Variants in MAGI2 observed in about 807,000 individuals in gnomAD.
The protein encoded by MAGI2 is membrane-associated guanylate kinase, WW and PDZ domain-containing protein 2.
A neutral mutation model predicts 133.3 loss-of-function variants in MAGI2; 35 were observed. The ratio of observed to expected loss-of-function variants is 0.26; its 90% CI spans 0.20 to 0.35. MAGI2 has a LOEUF of 0.35. MAGI2 is among the 10% of genes least tolerant of loss of function. The pLI is 1.00. For synonymous variants in MAGI2, 729 were observed against 710.6 expected (o/e 1.03, Z -0.41); for missense variants, 1,636 against 1,863.4 (o/e 0.88, Z 2.25).
chr7:78,243,224 T>TACACACAC (rs539437959), intron 10 of MAGI2, among the ~76,000 whole-genome samples: 8 of 140,718 alleles, frequency 5.7e-5, no homozygotes, highest in African/African-American at 2.2e-4. Context: ...ATGGTTCAGA[T>TACACACAC]ACACACACAC....
chr7:78,706,242 T>G (rs1457496183), intron 2 of MAGI2, among the ~76,000 whole-genome samples: 1 of 152,100 alleles, frequency 6.6e-6, no homozygotes, highest in Non-Finnish European at 1.5e-5. Flanking sequence ...GAGGCAGGTC[T>G]TTCCTGTGCT....
At chr7:79,109,581 AT>A (rs1452629992) in intron 1 of MAGI2, among the ~76,000 whole-genome samples, 2 of 152,226 alleles carry the variant, frequency 1.3e-5, no homozygotes, top group Non-Finnish European at 2.9e-5. Context: ...TGGAATTTAT[AT>A]TTAAACAGGA....
chr7:79,267,091 T>C (rs28585047), intron 1 of MAGI2, among the ~76,000 whole-genome samples: 42,132 of 151,902 alleles, frequency 0.28, 7,978 homozygotes, highest in African/African-American at 0.53. Context: ...CCTCCATGTA[T>C]CGATTTATGA....
intron 1 of MAGI2, among the ~76,000 whole-genome samples, chr7:79,127,271 G>A (rs1481834123): frequency 2.0e-5 from 3 of 152,136 alleles, no homozygotes; most frequent in East Asian, 3.9e-4. Flanking sequence ...ACGTGTGCAT[G>A]TGTCTTTATA....
chr7:79,116,405 A>G (rs1002165947), intron 1 of MAGI2, among the ~76,000 whole-genome samples: 2 of 152,076 alleles, frequency 1.3e-5, no homozygotes, highest in Non-Finnish European at 2.9e-5. Flanking sequence ...TTGATAGGCT[A>G]TTACTCACAA....
At chr7:78,737,411 T>C (rs527714325) in intron 2 of MAGI2, among the ~76,000 whole-genome samples, 17 of 152,328 alleles carry the variant, frequency 1.1e-4, no homozygotes, top group African/African-American at 4.1e-4. Flanking sequence ...AAAGGTTCAT[T>C]GATATGGTTT....
At chr7:78,918,251 A>G (rs751295330) in intron 2 of MAGI2, among the ~76,000 whole-genome samples, 91 of 152,122 alleles carry the variant, frequency 6.0e-4, no homozygotes, top group Non-Finnish European at 4.1e-4. Context: ...ATTTCTTACT[A>G]TGCCACAGCC....
chr7:78,630,413 C>T (rs200819523), intron 2 of MAGI2, among the ~76,000 whole-genome samples: 7 of 112,310 alleles, frequency 6.2e-5, no homozygotes, highest in African/African-American at 1.7e-4. Context: ...TTGTGTTTAA[C>T]TTTTTTTTTT....
intron 2 of MAGI2, among the ~76,000 whole-genome samples, chr7:78,853,328 CGTTCT>C (rs1793308317): frequency 3.3e-5 from 2 of 59,746 alleles, no homozygotes; most frequent in African/African-American, 1.3e-4. Flanking sequence ...CTTGTCCATT[CGTTCT>C]TTTTTTTTTT....
chr7:78,407,204 G>T (rs1477978894), intron 6 of MAGI2, among the ~76,000 whole-genome samples: 1 of 151,992 alleles, frequency 6.6e-6, no homozygotes, highest in Non-Finnish European at 1.5e-5. Context: ...AAGTCATGCA[G>T]TCTTTCTCCT....
chr7:79,027,111 T>C (rs994735429), intron 1 of MAGI2, among the ~76,000 whole-genome samples: 1 of 151,968 alleles, frequency 6.6e-6, no homozygotes, highest in Non-Finnish European at 1.5e-5. Context: ...AAATGTAAAT[T>C]AGTACAGCTG....
At chr7:79,222,645 C>T (rs1830524963) in intron 1 of MAGI2, among the ~76,000 whole-genome samples, 1 of 151,986 alleles carries the variant, frequency 6.6e-6, no homozygotes, top group Admixed American at 6.5e-5. Context: ...TTTAATGGCC[C>T]ATTCTGGTCT....
Position 78,573,076 on chromosome 7 carries a change from T to TACACACAC in MAGI2, c.539-51439_539-51432dup, listed in dbSNP as rs1217454892. Among the ~76,000 whole-genome samples the TACACACAC allele has an allele frequency of 3.7e-3, 197 of 52,562 alleles. 6 individuals carry two copies. Among genetic ancestry groups the TACACACAC allele is most frequent in the African/African-American group, 0.015 (164 of 10,714 alleles). The allele number at this position is 52,562 out of a possible 152,430, so 34.5% of individuals were successfully genotyped here. The stretch of plus-strand genomic sequence containing the variant: ...ATATATATATATATATATATATATA[T>TACACACAC]ACACACACACACACACACGGAGAGA... On this transcript the variant is annotated intron_variant, in intron 3 of 21. Transcript: ENST00000354212.
chr7:78,296,982 T>C (rs985074006), intron 9 of MAGI2, among the ~76,000 whole-genome samples: 18 of 152,188 alleles, frequency 1.2e-4, no homozygotes, highest in Non-Finnish European at 5.9e-5. Flanking sequence ...CACAAAACAC[T>C]ATGAAACTAG....
chr7:79,111,762 G>C (rs370995042), intron 1 of MAGI2, among the ~76,000 whole-genome samples: 3 of 151,980 alleles, frequency 2.0e-5, no homozygotes, highest in African/African-American at 7.3e-5. Flanking sequence ...CGCCTCCCAG[G>C]TTCATGCCAT....
intron 1 of MAGI2, among the ~76,000 whole-genome samples, chr7:79,057,151 G>A (rs1813221935): frequency 6.6e-6 from 1 of 152,152 alleles, no homozygotes. Context: ...TTCAGTGTAA[G>A]TATAAAGACT....
chr7:79,123,060 C>A (rs183457723), intron 1 of MAGI2, among the ~76,000 whole-genome samples: 1 of 152,256 alleles, frequency 6.6e-6, no homozygotes, highest in East Asian at 1.9e-4. Flanking sequence ...AAACAACCAC[C>A]AACCAAACAA....
At chr7:79,093,017 T>C (rs1162073551) in intron 1 of MAGI2, among the ~76,000 whole-genome samples, 1 of 152,196 alleles carries the variant, frequency 6.6e-6, no homozygotes, top group East Asian at 1.9e-4. Context: ...CAAAAGATTA[T>C]TATGTCTTTA....
chr7:79,058,998 T>C (rs1223816888), intron 1 of MAGI2, among the ~76,000 whole-genome samples: 2 of 152,100 alleles, frequency 1.3e-5, no homozygotes, highest in African/African-American at 4.8e-5. Flanking sequence ...GTATAGTAAG[T>C]AGTCAATAAA....
Sources: gnomAD v4.1 joint callset for allele counts (sites outside exome capture counted in the v4.1 genomes callset) on GRCh38, gnomAD v4.1.1 for gene constraint, MANE v1.5 for transcripts, NCBI Gene and HGNC (gene_info 2026-07-23, HGNC 2026-07-21) for gene names.